The following WRN variants were observed in gnomAD, a reference collection of about 807,000 sequenced individuals.
The protein encoded by WRN is WRN RecQ like helicase, also known as bifunctional 3'-5' exonuclease/ATP-dependent helicase WRN.
Under a neutral mutation model 180.7 loss-of-function variants are expected in WRN, and 149 were observed. The ratio of observed to expected loss-of-function variants is 0.82; its 90% confidence interval spans 0.72 to 0.94. The LOEUF (loss-of-function observed/expected upper bound fraction) is 0.94, where lower values mean the gene tolerates loss of function less well. WRN is among the 40% of genes least tolerant of loss of function. WRN has a pLI of 0.00. For missense variants in WRN, 1,661 were observed against 1,700.1 expected, an observed-to-expected ratio of 0.98 and a Z score of 0.40; for synonymous variants, 548 against 568.9, an observed-to-expected ratio of 0.96 and a Z score of 0.52.
rs572026265 is a variant in WRN, at chr8:31,096,790, G to A, written c.1921G>A (p.Val641Ile). The A allele has an allele frequency of 8.7e-6, 14 of 1,608,394 alleles. No individual in the cohort carries two copies. The highest frequency in any genetic ancestry group is 3.4e-5 in the Admixed American group (2 of 59,428). The part of the protein sequence containing the change: ...IKLGKYRIVY[V>I]TPEYCSGNMG... ...CAGAGGTAAATACCGGATTGTATAC[G>A]TAACTCCAGAATACTGTTCAGGTAA... Residue 641 changes from valine (V) to isoleucine (I), a missense_variant, in exon 17 of 35, where the codon GTA becomes ATA. This residue lies in a region of WRN where 1,141 missense variants were observed against 1,149.4 expected (regional missense o/e 0.99). Coordinates refer to ENST00000298139, the MANE Select transcript of WRN (RefSeq NM_000553.6).
rs1804212245 is a variant in WRN at position 31,174,679 on chromosome 8, ATTC to A, written c.*1585_*1587del. On this transcript the variant is annotated 3_prime_UTR_variant, in exon 35 of 35. Transcript: ENST00000298139. ...TTCGCTTTCACTACTACTACTACTA[ATTC>A]TTCTTCTGATTCTTCTTCTTCTCCT... 6.6e-6 allele frequency among the ~76,000 whole-genome samples: 1 copy of A among 151,644 alleles called. No homozygotes were observed. Among genetic ancestry groups the A allele is most frequent in the South Asian group, 2.1e-4 (1 of 4,772 alleles).
At position 31,174,912 on chromosome 8, in the gene WRN, C is replaced by A. The variant is rs1165327793; in HGVS notation, c.*1810C>A. ...TCTCTCTCTCTCTTTCTTTCTTTTT[C>A]TTTCTCTTTTTCTTTCTTTCAAGCA... On this transcript the variant is annotated 3_prime_UTR_variant, in exon 35 of 35. Transcript: ENST00000298139. 1.5e-5 allele frequency among the ~76,000 whole-genome samples: 2 copies of A among 137,744 alleles called. No individual in the cohort carries two copies. The highest frequency in any genetic ancestry group is 3.1e-5 in the Non-Finnish European group (2 of 64,304). The allele number at this position is 137,744 out of a possible 152,430, so 90.4% of individuals were successfully genotyped here.
Position 31,100,847 on chromosome 8 carries a change from A to G in WRN, c.1982-2A>G, listed in dbSNP as rs1563351045. Reference sequence around the variant, plus strand: ...CCTTTATGTGTTTTTCTTTTTTTACAGGTATCACGCTCATTGCTGTGGATG... The same window carrying G: ...CCTTTATGTGTTTTTCTTTTTTTACGGGTATCACGCTCATTGCTGTGGATG... On this transcript the variant is annotated splice_acceptor_variant, in intron 17 of 34. Coordinates refer to ENST00000298139, the MANE Select transcript of WRN (RefSeq NM_000553.6). LOFTEE classifies it high-confidence loss of function. The G allele has an allele frequency of 6.2e-7, 1 of 1,611,868 alleles. No homozygotes were observed. Among genetic ancestry groups the G allele is most frequent in the Non-Finnish European group, 8.5e-7 (1 of 1,178,758 alleles).
chr8:31,137,658 A>G (rs1248795032), intron 24 of WRN, among the ~76,000 whole-genome samples: 1 of 152,172 alleles, frequency 6.6e-6, no homozygotes, highest in African/African-American at 2.4e-5. Context: ...ATAAAAATGA[A>G]TATACCTGCA....
intron 34 of WRN, among the ~76,000 whole-genome samples, chr8:31,172,693 C>T (rs1020721476): frequency 6.6e-6 from 1 of 152,182 alleles, no homozygotes; most frequent in South Asian, 2.1e-4. Context: ...AAAGCAAGTA[C>T]ACCATGGGAC....
At chr8:31,056,188 C>T (rs2129989447) in intron 1 of WRN, among the ~76,000 whole-genome samples, 1 of 152,286 alleles carries the variant, frequency 6.6e-6, no homozygotes, top group South Asian at 2.1e-4. Flanking sequence ...TTTTAGAAGT[C>T]TACAGGTGTT....
intron 23 of WRN, among the ~76,000 whole-genome samples, chr8:31,127,400 A>T (rs972522914): frequency 2.6e-5 from 4 of 152,104 alleles, no homozygotes; most frequent in African/African-American, 9.7e-5. Flanking sequence ...ACATACAACC[A>T]ATTTGCCTAT....
intron 31 of WRN, 55 bp from the exon 32 acceptor site, chr8:31,154,564 ATATAT>A: frequency 1.3e-6 from 2 of 1,531,730 alleles, no homozygotes; most frequent in East Asian, 2.4e-5. Context: ...ATTATCATAC[ATATAT>A]TCTATTATTG....
At chr8:31,106,490 T>G (rs1353475006) in intron 18 of WRN, among the ~76,000 whole-genome samples, 1 of 152,182 alleles carries the variant, frequency 6.6e-6, no homozygotes, top group Non-Finnish European at 1.5e-5. Context: ...ATTCACCGGA[T>G]GCAGCCACAC....
At chr8:31,092,410 C>A (rs1455344841) in intron 16 of WRN, among the ~76,000 whole-genome samples, 1 of 150,318 alleles carries the variant, frequency 6.7e-6, no homozygotes, top group Non-Finnish European at 1.5e-5. Context: ...AGGAGAATGT[C>A]ATCTCAGATA....
At chr8:31,070,516 T>G (rs1812871834) in intron 7 of WRN, among the ~76,000 whole-genome samples, 1 of 152,092 alleles carries the variant, frequency 6.6e-6, no homozygotes, top group Non-Finnish European at 1.5e-5. Flanking sequence ...TTTTACGATA[T>G]GGGAATACCG....
intron 23 of WRN, among the ~76,000 whole-genome samples, chr8:31,128,520 G>A (rs1210213399): frequency 1.3e-5 from 2 of 152,174 alleles, no homozygotes; most frequent in African/African-American, 4.8e-5. Flanking sequence ...TGATTGAGAA[G>A]CACTGAAAGA....
chr8:31,114,771 A>G (rs1801447740), intron 19 of WRN, among the ~76,000 whole-genome samples: 1 of 152,078 alleles, frequency 6.6e-6, no homozygotes, highest in Non-Finnish European at 1.5e-5. Context: ...TTTCATTTAA[A>G]GTATCTGCTA....
intron 34 of WRN, among the ~76,000 whole-genome samples, chr8:31,168,185 G>A (rs1024144505): frequency 4.6e-5 from 7 of 151,926 alleles, no homozygotes; most frequent in Non-Finnish European, 1.0e-4. Flanking sequence ...TTAATTAGTT[G>A]GAAATCTTTA....
chr8:31,039,285 C>T (rs1178424055), intron 1 of WRN, among the ~76,000 whole-genome samples: 1 of 152,070 alleles, frequency 6.6e-6, no homozygotes. Flanking sequence ...TTTTCACCTC[C>T]TTGGTTAAAT....
chr8:31,166,504 A>T (rs1803868332), intron 33 of WRN, among the ~76,000 whole-genome samples: 1 of 152,170 alleles, frequency 6.6e-6, no homozygotes, highest in Non-Finnish European at 1.5e-5. Context: ...GTGCTTTTAA[A>T]ATCATTGATG....
At chr8:31,147,593 A>T in intron 30 of WRN, 117 bp downstream of exon 30, 1 of 923,250 alleles carries the variant, frequency 1.1e-6, no homozygotes, top group Non-Finnish European at 1.7e-6. Flanking sequence ...GAGGTGACTC[A>T]GATTCCCCCT....
At chr8:31,104,223 G>A (rs939146940) in intron 18 of WRN, among the ~76,000 whole-genome samples, 14 of 152,096 alleles carry the variant, frequency 9.2e-5, no homozygotes, top group South Asian at 8.3e-4. Context: ...CCTTGCCACC[G>A]TTTGTTGTTG....
intron 7 of WRN, among the ~76,000 whole-genome samples, chr8:31,073,873 A>G (rs1485725848): frequency 1.3e-5 from 2 of 151,914 alleles, no homozygotes; most frequent in African/African-American, 4.8e-5. Context: ...AGAGTCTAGA[A>G]CTAACAGTTA....
Sources: allele counts gnomAD v4.1 joint callset (sites outside exome capture counted in the v4.1 genomes callset), GRCh38; gene constraint gnomAD v4.1.1; regional missense constraint gnomAD v4.1.1; transcripts MANE v1.5; gene names NCBI Gene and HGNC (gene_info 2026-07-23, HGNC 2026-07-21).